The following NAALADL2 variants were observed in gnomAD, a reference collection of about 807,000 sequenced individuals.
The protein encoded by NAALADL2 is N-acetylated alpha-linked acidic dipeptidase like 2.
NAALADL2 carries 76 observed loss-of-function variants against 87.2 expected under a neutral mutation model. The observed-to-expected ratio is 0.87, with a 90% CI of 0.72 to 1.05. The LOEUF is 1.05. NAALADL2 is among the 50% of genes least tolerant of loss of function. The pLI is 0.00. For missense variants in NAALADL2, 1,089 were observed against 945.8 expected, an observed-to-expected ratio of 1.15 and a Z score of -1.99; for synonymous variants, 354 against 331.0, an observed-to-expected ratio of 1.07 and a Z score of -0.75.
intron 2 of NAALADL2, among the ~76,000 whole-genome samples, chr3:174,639,908 A>C (rs1723003872): frequency 6.6e-6 from 1 of 152,164 alleles, no homozygotes; most frequent in South Asian, 2.1e-4. Context: ...AGTTTTTTTA[A>C]GCAACTCGAA....
At position 174,714,295 on chromosome 3, in the gene NAALADL2, G is replaced by A. The variant is rs542052153; in HGVS notation, c.-114-23346G>A. Among the ~76,000 whole-genome samples, 28 of 152,160 alleles carry A rather than the reference G, an allele frequency of 1.8e-4. No homozygotes were observed. In the South Asian group the frequency reaches 5.2e-3, roughly 28 times the overall value. On this transcript the variant is annotated intron_variant, in intron 2 of 3. Coordinates refer to the NAALADL2 transcript ENST00000434257. ...ACTTGGCAATGTGGGCTCTTTTTTG[G>A]TTCCATATGAACTTTAAAGTAGTTT...
At chr3:174,879,054 C>T (rs1021804335) in intron 1 of NAALADL2, among the ~76,000 whole-genome samples, 1 of 149,736 alleles carries the variant, frequency 6.7e-6, no homozygotes, top group Non-Finnish European at 1.5e-5. Flanking sequence ...CAGTACAGGA[C>T]AAGCCAAAAC....
chr3:174,999,464 A>G (rs1399828685), intron 1 of NAALADL2, among the ~76,000 whole-genome samples: 1 of 152,104 alleles, frequency 6.6e-6, no homozygotes, highest in African/African-American at 2.4e-5. Flanking sequence ...GCTTTTGTGT[A>G]CTCCAATTTA....
chr3:175,739,909 C>A (rs944180882), intron 12 of NAALADL2, among the ~76,000 whole-genome samples: 1 of 152,050 alleles, frequency 6.6e-6, no homozygotes, highest in Admixed American at 6.6e-5. Context: ...TTTGCATTCC[C>A]AAAATAAATG....
intron 2 of NAALADL2, among the ~76,000 whole-genome samples, chr3:174,683,494 A>G (rs1578534230): frequency 1.3e-5 from 2 of 152,170 alleles, no homozygotes; most frequent in South Asian, 4.1e-4. Flanking sequence ...ACAAAGAAAT[A>G]AACCTAATTT....
At chr3:174,770,776 T>C (rs1714436777) in intron 3 of NAALADL2, among the ~76,000 whole-genome samples, 1 of 151,612 alleles carries the variant, frequency 6.6e-6, no homozygotes, top group Non-Finnish European at 1.5e-5. Context: ...GAGGCAGAGC[T>C]TGCGGTGAGC....
At chr3:174,721,928 A>G (rs894415214) in intron 2 of NAALADL2, among the ~76,000 whole-genome samples, 2 of 152,198 alleles carry the variant, frequency 1.3e-5, no homozygotes, top group South Asian at 2.1e-4. Context: ...ACTACCTAAT[A>G]CATTCAGTCA....
rs373792640 is a variant in NAALADL2, at chr3:174,831,648, G to A, written c.-9+93902G>A. 3.4e-3 allele frequency among the ~76,000 whole-genome samples: 497 copies of A among 148,028 alleles called. 7 individuals carry two copies. The highest frequency in any genetic ancestry group is 0.012 in the African/African-American group (472 of 40,664). On this transcript the variant is annotated intron_variant, in intron 3 of 3. Coordinates refer to the NAALADL2 transcript ENST00000434257. The stretch of plus-strand genomic sequence containing the variant: ...AAAAAGAGTTAGGGAGGATTCCCTC[G>A]TTTTCTATTGATTGGAATAGTTTCA...
At chr3:174,816,417 T>C (rs201925910) in intron 3 of NAALADL2, among the ~76,000 whole-genome samples, 59,532 of 149,852 alleles carry the variant, frequency 0.4, 11,922 homozygotes, top group East Asian at 0.43. Flanking sequence ...TGTGTGCGTG[T>C]GTGTGTGTGT....
rs16824617 is a variant in NAALADL2, at chr3:175,190,691, T to C, written c.546-43240T>C. Among the ~76,000 whole-genome samples, 1,259 of 151,978 alleles carry C rather than the reference T, an allele frequency of 8.3e-3. 19 individuals carry two copies. The highest frequency in any genetic ancestry group is 0.029 in the African/African-American group (1,183 of 41,456). Reference sequence around the variant, plus strand: ...GGGTCAGAGGATGAAAAGTAACCAATATGGGCCGGGCGCGGTGGCTCACGC... The same window carrying C: ...GGGTCAGAGGATGAAAAGTAACCAACATGGGCCGGGCGCGGTGGCTCACGC... On this transcript the variant is annotated intron_variant, in intron 2 of 13. Transcript: ENST00000454872.
At chr3:174,981,034 G>C (rs566530172) in intron 1 of NAALADL2, among the ~76,000 whole-genome samples, 2 of 152,150 alleles carry the variant, frequency 1.3e-5, no homozygotes, top group South Asian at 4.2e-4. Flanking sequence ...GTAAATTCTA[G>C]TTTCTGTAAA....
intron 2 of NAALADL2, among the ~76,000 whole-genome samples, chr3:175,098,460 G>A (rs1224533648): frequency 6.6e-6 from 1 of 152,104 alleles, no homozygotes; most frequent in Admixed American, 6.6e-5. Flanking sequence ...CTAGTCTAGA[G>A]GGAGAAAGTG....
chr3:175,121,569 G>A (rs1428000963), intron 2 of NAALADL2, among the ~76,000 whole-genome samples: 1 of 151,808 alleles, frequency 6.6e-6, no homozygotes, highest in Non-Finnish European at 1.5e-5. Context: ...GGAAATAATT[G>A]TTGCTCTTAC....
At chr3:174,519,223 T>C (rs1720113762) in intron 1 of NAALADL2, among the ~76,000 whole-genome samples, 1 of 152,148 alleles carries the variant, frequency 6.6e-6, no homozygotes. Context: ...GAAATAATTT[T>C]CTCAGAGATC....
chr3:175,703,187 T>G (rs1219166516), intron 11 of NAALADL2, among the ~76,000 whole-genome samples: 1 of 152,156 alleles, frequency 6.6e-6, no homozygotes, highest in Non-Finnish European at 1.5e-5. Flanking sequence ...TATCAGGCAT[T>G]CTTGATTTTT....
At chr3:175,479,990 C>A (rs1270510477) in intron 9 of NAALADL2, among the ~76,000 whole-genome samples, 4 of 151,786 alleles carry the variant, frequency 2.6e-5, no homozygotes, top group Admixed American at 6.6e-5. Context: ...TGCTCAAACA[C>A]TGCACTGATG....
intron 5 of NAALADL2, among the ~76,000 whole-genome samples, chr3:175,391,311 G>C (rs7643021): frequency 0.014 from 2,119 of 152,272 alleles, 46 homozygotes; most frequent in African/African-American, 0.048. Context: ...CTGGACTGGA[G>C]ATTCCTTTCT....
In NAALADL2 at chr3:174,538,150, C is replaced by T. The variant is rs527529026; in HGVS notation, c.-183-12419C>T. Among the ~76,000 whole-genome samples, 3 of 152,260 alleles carry T rather than the reference C, an allele frequency of 2.0e-5. No homozygotes were observed. The South Asian group carries it at 6.2e-4, about 32-fold the overall frequency. ...ACTCTTTTTATCACTGATCAGTTGT[C>T]ACAAATGGCAAAATTCCTTTCCACA... On this transcript the variant is annotated intron_variant, in intron 1 of 3. Transcript: ENST00000434257.
intron 11 of NAALADL2, among the ~76,000 whole-genome samples, chr3:175,699,046 GC>G (rs1738605005): frequency 6.6e-6 from 1 of 151,734 alleles, no homozygotes; most frequent in South Asian, 2.1e-4. Context: ...CCAAAGTTTG[GC>G]CCAAAGTACT....
Sources: gnomAD v4.1 joint callset for allele counts (sites outside exome capture counted in the v4.1 genomes callset) on GRCh38, gnomAD v4.1.1 for gene constraint, MANE v1.5 for transcripts, NCBI Gene and HGNC (gene_info 2026-07-23, HGNC 2026-07-21) for gene names.